The following PLEKHG7 variants were observed in gnomAD, a reference collection of about 807,000 sequenced individuals.
PLEKHG7 encodes pleckstrin homology domain-containing family G member 7.
Under a neutral mutation model 85.2 loss-of-function variants are expected in PLEKHG7, and 77 were observed. The ratio of observed to expected loss-of-function variants is 0.90; its 90% CI spans 0.75 to 1.09. The LOEUF (loss-of-function observed/expected upper bound fraction) is 1.09, where lower values mean the gene tolerates loss of function less well. Among genes scored for constraint, PLEKHG7 ranks in the 50% least tolerant of loss-of-function variants. The probability of loss-of-function intolerance (pLI) is 0.00; values close to 1 mark genes in which losing one functional copy is unlikely to be tolerated. For synonymous variants in PLEKHG7, 301 were observed against 302.4 expected, an observed-to-expected ratio of 1.00 and a Z score of 0.05; for missense variants, 777 against 804.3, an observed-to-expected ratio of 0.97 and a Z score of 0.41.
intron 10 of PLEKHG7, among the ~76,000 whole-genome samples, chr12:92,752,195 AAAG>A (rs1462596700): frequency 1.3e-5 from 2 of 152,164 alleles, no homozygotes; most frequent in Admixed American, 6.5e-5. Flanking sequence ...CTCTCTTTCC[AAAG>A]AAGAGAATAG....
At chr12:92,743,426 A>C (rs568711550) in intron 9 of PLEKHG7, among the ~76,000 whole-genome samples, 1 of 152,352 alleles carries the variant, frequency 6.6e-6, no homozygotes, top group Non-Finnish European at 1.5e-5. Context: ...ACGTCTTGTT[A>C]TTCACATGTG....
chr12:92,745,760 C>T (rs1490641646), intron 10 of PLEKHG7, among the ~76,000 whole-genome samples, 169 bp downstream of exon 10: 2 of 152,210 alleles, frequency 1.3e-5, no homozygotes, highest in Admixed American at 1.3e-4. Flanking sequence ...CCACTGCACA[C>T]TTAGGAATAT....
chr12:92,723,351 A>G (rs1246714744), intron 3 of PLEKHG7, among the ~76,000 whole-genome samples: 1 of 152,228 alleles, frequency 6.6e-6, no homozygotes, highest in East Asian at 1.9e-4. Flanking sequence ...TCTACAAAAC[A>G]TAAGATACTT....
intron 15 of PLEKHG7, among the ~76,000 whole-genome samples, chr12:92,767,918 T>C (rs1303083347): frequency 2.0e-5 from 3 of 152,092 alleles, no homozygotes; most frequent in Admixed American, 1.3e-4. Flanking sequence ...ATAGAAAGAA[T>C]GTATAGGGCG....
chr12:92,745,859 T>C (rs762179710), intron 10 of PLEKHG7, among the ~76,000 whole-genome samples: 5 of 152,248 alleles, frequency 3.3e-5, no homozygotes, highest in Non-Finnish European at 7.3e-5. Context: ...TGGTTCATTA[T>C]GCTATTTGCG....
chr12:92,714,322 T>C (rs1565786722), intron 3 of PLEKHG7, among the ~76,000 whole-genome samples: 1 of 152,180 alleles, frequency 6.6e-6, no homozygotes, highest in African/African-American at 2.4e-5. Context: ...AAGCTGTTTT[T>C]TTCTAGCAAA....
In PLEKHG7 at chr12:92,717,166, TAA is replaced by T. The variant is rs368340349; in HGVS notation, c.530+9495_530+9496del. On this transcript the variant is annotated intron_variant, in intron 3 of 16. Transcript: ENST00000344636. ...GAGAAACGTACATGCTACATTTCTATAAGACTATAGACTAACCTTCCAATGCT... is the reference window on the plus strand; with the variant it reads ...GAGAAACGTACATGCTACATTTCTATGACTATAGACTAACCTTCCAATGCT... 1.8e-4 allele frequency among the ~76,000 whole-genome samples: 28 copies of T among 152,334 alleles called. No individual in the cohort carries two copies. In the East Asian group the frequency reaches 4.8e-3, roughly 26 times the overall value.
chr12:92,748,918 T>C lies in PLEKHG7; in HGVS notation c.1251+3327T>C, dbSNP rs181314128. On this transcript the variant is annotated intron_variant, in intron 10 of 16. Coordinates refer to ENST00000344636, the MANE Select transcript of PLEKHG7 (RefSeq NM_001377329.1). ...GCCTAGACACTGTGCTACATGCTGG[T>C]CATCCATCCTCTTCTTGTCTACACA... Among the ~76,000 whole-genome samples the C allele has an allele frequency of 5.9e-5, 9 of 152,322 alleles. No individual in the cohort carries two copies. In the East Asian group the frequency reaches 1.5e-3, roughly 26 times the overall value.
intron 3 of PLEKHG7, among the ~76,000 whole-genome samples, chr12:92,719,301 G>A (rs1393739080): frequency 6.6e-6 from 1 of 152,142 alleles, no homozygotes; most frequent in Non-Finnish European, 1.5e-5. Context: ...TTCTTCCTGT[G>A]TAATCAACCC....
chr12:92,715,093 T>A (rs991407703), intron 3 of PLEKHG7, among the ~76,000 whole-genome samples: 1 of 152,152 alleles, frequency 6.6e-6, no homozygotes, highest in East Asian at 1.9e-4. Context: ...TTAACTCACA[T>A]GATCACGAGG....
chr12:92,720,988 A>G (rs990972424), intron 3 of PLEKHG7, among the ~76,000 whole-genome samples: 4 of 152,226 alleles, frequency 2.6e-5, no homozygotes, highest in African/African-American at 9.6e-5. Context: ...CATTCACTAC[A>G]ACATTGCGAC....
intron 10 of PLEKHG7, among the ~76,000 whole-genome samples, chr12:92,748,057 G>T (rs552102062): frequency 3.9e-5 from 6 of 152,266 alleles, no homozygotes; most frequent in African/African-American, 1.4e-4. Flanking sequence ...TCAACATAAA[G>T]AAATGATGTT....
chr12:92,757,851 G>A (rs1872877404), intron 13 of PLEKHG7, among the ~76,000 whole-genome samples: 1 of 152,186 alleles, frequency 6.6e-6, no homozygotes, highest in Non-Finnish European at 1.5e-5. Flanking sequence ...AGACAGGGAA[G>A]TGATAGGTTA....
chr12:92,757,555 A>G (rs1016223380), intron 13 of PLEKHG7, among the ~76,000 whole-genome samples: 2 of 152,226 alleles, frequency 1.3e-5, no homozygotes, highest in Admixed American at 1.3e-4. Flanking sequence ...AATAAGGAAG[A>G]TAGACATATC....
At chr12:92,736,457 C>G in intron 5 of PLEKHG7, 25 bp from the exon 6 acceptor site, 5 of 1,201,426 alleles carry the variant, frequency 4.2e-6, no homozygotes, top group Non-Finnish European at 5.2e-6. Context: ...GTTTGAAAAT[C>G]CTGTTTCTAA....
chr12:92,761,014 A>G (rs1424948973), intron 13 of PLEKHG7, among the ~76,000 whole-genome samples: 4 of 152,166 alleles, frequency 2.6e-5, no homozygotes, highest in African/African-American at 9.7e-5. Flanking sequence ...CGCTCTCTTC[A>G]AGACAAGGAG....
chr12:92,707,339 G>T (rs1405942192), intron 2 of PLEKHG7: 4 of 1,428,868 alleles, frequency 2.8e-6, no homozygotes, highest in Non-Finnish European at 2.7e-6. Context: ...GAAAGAAAAT[G>T]ATCTCGCTCA....
chr12:92,762,461 G>A lies in PLEKHG7; in HGVS notation c.1716+630G>A, dbSNP rs1307407574. On this transcript the variant is annotated intron_variant, in intron 14 of 16. Coordinates refer to ENST00000344636, the MANE Select transcript of PLEKHG7 (RefSeq NM_001377329.1). The stretch of plus-strand genomic sequence containing the variant: ...GCTAGAGCTACAAAATCTCTATAGG[G>A]AATAGGGATTTTTTTCACGTTACTT... Among the ~76,000 whole-genome samples the A allele has an allele frequency of 3.9e-5, 6 of 152,190 alleles. No homozygotes were observed. The South Asian group carries it at 1.0e-3, about 26-fold the overall frequency.
chr12:92,721,542 A>G, intron 3 of PLEKHG7: 1 of 371,956 alleles, frequency 2.7e-6, no homozygotes, highest in Non-Finnish European at 4.0e-6. Context: ...AAGAGTGGCT[A>G]TATTGGGGTT....
Sources: allele counts gnomAD v4.1 joint callset (sites outside exome capture counted in the v4.1 genomes callset), GRCh38; gene constraint gnomAD v4.1.1; transcripts MANE v1.5; gene names NCBI Gene and HGNC (gene_info 2026-07-23, HGNC 2026-07-21).